EHMT1: variants seen among roughly 807,000 people sequenced by gnomAD.
EHMT1 encodes histone-lysine N-methyltransferase EHMT1.
A neutral mutation model predicts 147.2 loss-of-function variants in EHMT1; 15 were observed. The ratio of observed to expected loss-of-function variants is 0.10; its 90% confidence interval spans 0.07 to 0.16. EHMT1 has a LOEUF of 0.16. Among genes scored for constraint, EHMT1 ranks in the 10% least tolerant of loss-of-function variants. The probability of loss-of-function intolerance (pLI) is 1.00; values close to 1 mark genes in which losing one functional copy is unlikely to be tolerated. For missense variants in EHMT1, 1,587 were observed against 1,772.4 expected, an observed-to-expected ratio of 0.90 and a Z score of 1.88; for synonymous variants, 795 against 709.6, an observed-to-expected ratio of 1.12 and a Z score of -1.91.
At chr9:137,745,725 G>T (rs73669156) in intron 6 of EHMT1, 30 of 394,894 alleles carry the variant, frequency 7.6e-5, no homozygotes, top group African/African-American at 6.0e-4. Context: ...GTTACAAGGG[G>T]TATTCAGTGT....
intron 1 of EHMT1, among the ~76,000 whole-genome samples, chr9:137,621,347 T>C (rs1253625430): frequency 6.6e-6 from 1 of 152,168 alleles, no homozygotes; most frequent in Non-Finnish European, 1.5e-5. Flanking sequence ...CACTGGAAAC[T>C]TATCTAACTT....
At chr9:137,779,786 TGTTACTCCTTCCTC>T in intron 14 of EHMT1, 69 bp downstream of exon 14, 1 of 1,540,988 alleles carries the variant, frequency 6.5e-7, no homozygotes, top group Non-Finnish European at 8.9e-7. Flanking sequence ...CGAGAGCAGT[TGTTACTCCTTCCTC>T]AGGAGGCTGG....
rs1951939947 is a variant in EHMT1 at position 137,786,048 on chromosome 9, ACTGC to A, written c.2382+3655_2382+3658del. 1 of 152,528 alleles carries A rather than the reference ACTGC, an allele frequency of 6.6e-6. No homozygotes were observed. Among genetic ancestry groups the A allele is most frequent in the African/African-American group, 2.4e-5 (1 of 41,466 alleles). 9.4% of individuals were successfully genotyped at this position (152,528 alleles called of 1,614,324 possible). ...CTGGCCCTGCCAGGGCTCCCTGCTGACTGCCTGTGCTCTGTGCTTGTCTGAAACG... is the reference window on the plus strand; with the variant it reads ...CTGGCCCTGCCAGGGCTCCCTGCTGACTGTGCTCTGTGCTTGTCTGAAACG... On this transcript the variant is annotated intron_variant, in intron 15 of 26. Transcript: ENST00000460843. The surrounding 1 kb of genome is among the most constrained non-coding windows in gnomAD (Gnocchi z 4.3).
intron 6 of EHMT1, among the ~76,000 whole-genome samples, chr9:137,751,827 C>T (rs1317702459): frequency 6.6e-6 from 1 of 152,134 alleles, no homozygotes; most frequent in Non-Finnish European, 1.5e-5. Context: ...TGGAAGGAGG[C>T]GTGGGCAACT....
intron 1 of EHMT1, among the ~76,000 whole-genome samples, chr9:137,651,368 T>C (rs999614767): frequency 1.3e-5 from 2 of 152,244 alleles, no homozygotes; most frequent in Non-Finnish European, 2.9e-5. Context: ...TTTTCTTCTA[T>C]GAGTTTTACA....
chr9:137,676,209 C>G (rs1044197224), intron 1 of EHMT1: 4 of 152,036 alleles, frequency 2.6e-5, no homozygotes, highest in Non-Finnish European at 5.9e-5. Flanking sequence ...CGTGAGCCAC[C>G]GCGCCCGGCC....
chr9:137,703,631 AG>A lies in EHMT1; in HGVS notation c.22-7334del, dbSNP rs533742254. On this transcript the variant is annotated intron_variant, in intron 1 of 26. Coordinates refer to ENST00000460843, the MANE Select transcript of EHMT1 (RefSeq NM_024757.5). ...AGTGACTTTTACTCCAATTCCCAAT[AG>A]GTTCCTCATCTCCATCTGAGACCTC... is the stretch of plus-strand genomic sequence containing the variant. Among the ~76,000 whole-genome samples, 17 of 152,258 alleles carry A rather than the reference AG, an allele frequency of 1.1e-4. No individual in the cohort carries two copies. The East Asian group carries it at 3.3e-3, about 29-fold the overall frequency.
chr9:137,727,575 TTTTTACTGTGTA>T (rs1462194598), intron 3 of EHMT1, among the ~76,000 whole-genome samples: 1 of 152,194 alleles, frequency 6.6e-6, no homozygotes, highest in South Asian at 2.1e-4. Flanking sequence ...TTACTGTGTA[TTTTTACTGTGTA>T]TTTTACTGTG....
chr9:137,730,453 A>C (rs1947009178), intron 4 of EHMT1, among the ~76,000 whole-genome samples: 1 of 152,140 alleles, frequency 6.6e-6, no homozygotes, highest in African/African-American at 2.4e-5. Context: ...TTTACAAAAA[A>C]AAAAACTTAA....
chr9:137,734,151 C>G (rs1299697823), intron 4 of EHMT1, among the ~76,000 whole-genome samples: 1 of 152,060 alleles, frequency 6.6e-6, no homozygotes, highest in African/African-American at 2.4e-5. Flanking sequence ...AGAAACTGTT[C>G]CCAGAAAAGA....
intron 1 of EHMT1, among the ~76,000 whole-genome samples, chr9:137,700,533 G>A (rs1047886319): frequency 1.3e-5 from 2 of 152,182 alleles, no homozygotes; most frequent in Middle Eastern, 3.2e-3. Flanking sequence ...GCTCAAGCAC[G>A]TCAAATGTGT....
intron 8 of EHMT1, among the ~76,000 whole-genome samples, chr9:137,754,866 A>T (rs913861593): frequency 6.6e-6 from 1 of 152,190 alleles, no homozygotes; most frequent in East Asian, 1.9e-4. Context: ...TGCTGCCCGC[A>T]TGGGTGACTG....
chr9:137,805,135 T>G (rs12344979), intron 18 of EHMT1, among the ~76,000 whole-genome samples: 1 of 151,808 alleles, frequency 6.6e-6, no homozygotes, highest in African/African-American at 2.4e-5. Context: ...GTGTCTCTCA[T>G]CCGCATGTGT....
At chr9:137,822,606 C>T (rs1955501230) in intron 25 of EHMT1, among the ~76,000 whole-genome samples, 1 of 151,800 alleles carries the variant, frequency 6.6e-6, no homozygotes, top group Non-Finnish European at 1.5e-5. Flanking sequence ...TAAAATTTGC[C>T]AGTTTGGGCC....
chr9:137,742,616 G>A (rs2136038819), intron 4 of EHMT1, among the ~76,000 whole-genome samples: 1 of 152,162 alleles, frequency 6.6e-6, no homozygotes, highest in East Asian at 1.9e-4. Context: ...GTTCAGAATG[G>A]GGTTGGGAGC....
Position 137,813,628 on chromosome 9 carries a change from G to GT in EHMT1, c.3180+98_3180+99insT. The GT allele has an allele frequency of 6.5e-7, 1 of 1,541,612 alleles. No homozygotes were observed. The highest frequency in any genetic ancestry group is 8.8e-7 in the Non-Finnish European group (1 of 1,135,070). On this transcript the variant is annotated intron_variant, in intron 21 of 26. Coordinates refer to ENST00000460843, the MANE Select transcript of EHMT1 (RefSeq NM_024757.5). This position sits in a 1 kb window ranked among gnomAD's most constrained non-coding sequence, Gnocchi z 4.9. ...CCTGGGTTCTCACCACTCAGAGCAG[G>GT]AGGGCTTATGGGGGGCTTCCCAGGA...
In EHMT1 at chr9:137,815,986, C is replaced by T. The variant is rs778901431; in HGVS notation, c.3298C>T (p.Pro1100Ser). 5 of 1,612,048 alleles carry T rather than the reference C, an allele frequency of 3.1e-6. No homozygotes were observed. In the South Asian group the frequency reaches 4.4e-5, roughly 14 times the overall value. ...LLPEFNMAEP[P>S]LIFECNHACS... ...GCCAGAGTTCAACATGGCGGAGCCT[C>T]CCTTGATCTTCGAATGCAACCACGC... The change falls in exon 23 of 27, where the codon CCC (proline) becomes TCC (serine). Residue 1100 changes from proline (P) to serine (S), a missense_variant. Around this residue, in one of 7 missense-constraint regions of EHMT1, gnomAD observed 156 missense variants for 252.5 expected, o/e 0.62. Transcript: ENST00000460843.
intron 25 of EHMT1, among the ~76,000 whole-genome samples, chr9:137,820,575 T>G (rs1304976578): frequency 6.6e-6 from 1 of 152,230 alleles, no homozygotes; most frequent in Non-Finnish European, 1.5e-5. Flanking sequence ...TTTGAAAACT[T>G]GAATATTTCC....
At chr9:137,662,511 C>CT (rs1199035561) in intron 1 of EHMT1, among the ~76,000 whole-genome samples, 1 of 151,794 alleles carries the variant, frequency 6.6e-6, no homozygotes, top group Non-Finnish European at 1.5e-5. Flanking sequence ...TAGAATTTTT[C>CT]TTTTTTGAGA....
Sources: gnomAD v4.1 joint callset for allele counts (sites outside exome capture counted in the v4.1 genomes callset) on GRCh38, gnomAD v4.1.1 for gene constraint, gnomAD v4.1.1 regional missense constraint, Gnocchi (gnomAD v3.1) non-coding constraint, MANE v1.5 for transcripts, NCBI Gene and HGNC (gene_info 2026-07-23, HGNC 2026-07-21) for gene names.